The following SWAP70 variants were observed in gnomAD, a reference collection of about 807,000 sequenced individuals.
The protein encoded by SWAP70 is switching B cell complex subunit SWAP70, also known as switch-associated protein 70.
In SWAP70, 34 loss-of-function variants were observed where a neutral mutation model predicts 80.2. The ratio of observed to expected loss-of-function variants is 0.42; its 90% CI spans 0.32 to 0.56. The LOEUF (loss-of-function observed/expected upper bound fraction) is 0.56. Among genes scored for constraint, SWAP70 ranks in the 20% least tolerant of loss-of-function variants. The pLI, the probability that SWAP70 is intolerant of heterozygous loss-of-function variation, is 0.09. For synonymous variants in SWAP70, 239 were observed against 238.5 expected (o/e 1.00, Z -0.02); for missense variants, 578 against 690.7 (o/e 0.84, Z 1.83).
rs1695613 is a variant in SWAP70, at chr11:9,724,654, G to A, written c.415-4G>A. ...GAAATAATTATTTCACATTCTTTATGTAGATTGAATACCTGCTTAAGAAGC... is the reference window on the plus strand; with the variant it reads ...GAAATAATTATTTCACATTCTTTATATAGATTGAATACCTGCTTAAGAAGC... On this transcript the variant is annotated splice_region_variant and splice_polypyrimidine_tract_variant and intron_variant, in intron 3 of 11. Coordinates refer to ENST00000318950, the MANE Select transcript of SWAP70 (RefSeq NM_015055.4). The A allele has an allele frequency of 0.33, 529,912 of 1,597,340 alleles. 89,972 individuals carry two copies. Among genetic ancestry groups the A allele is most frequent in the Non-Finnish European group, 0.35 (404,860 of 1,169,368 alleles).
At chr11:9,706,481 A>T (rs1850917115) in intron 2 of SWAP70, among the ~76,000 whole-genome samples, 1 of 152,234 alleles carries the variant, frequency 6.6e-6, no homozygotes, top group Non-Finnish European at 1.5e-5. Context: ...AAAGCATAAT[A>T]AAATGAACAT....
intron 2 of SWAP70, among the ~76,000 whole-genome samples, chr11:9,699,127 T>A (rs924643260): frequency 6.6e-6 from 1 of 152,188 alleles, no homozygotes; most frequent in African/African-American, 2.4e-5. Flanking sequence ...TAAATAGAGA[T>A]ACAAAGTAGA....
chr11:9,681,131 T>G (rs1333858437), intron 1 of SWAP70: 4 of 152,460 alleles, frequency 2.6e-5, no homozygotes, highest in South Asian at 4.1e-4. Context: ...GTAGCTGTGC[T>G]TACCTGCTAG....
intron 4 of SWAP70, among the ~76,000 whole-genome samples, chr11:9,725,792 G>T (rs1009876541): frequency 1.3e-5 from 2 of 151,748 alleles, no homozygotes; most frequent in Non-Finnish European, 2.9e-5. Context: ...GGACGGTCTC[G>T]ATCTTTTGAC....
intron 1 of SWAP70, among the ~76,000 whole-genome samples, chr11:9,690,818 A>G (rs1187823350): frequency 6.6e-6 from 1 of 152,140 alleles, no homozygotes; most frequent in Non-Finnish European, 1.5e-5. Flanking sequence ...AGTTTTAAAG[A>G]TAGTACACAA....
chr11:9,699,158 G>C (rs1056908856), intron 2 of SWAP70, among the ~76,000 whole-genome samples: 3 of 152,178 alleles, frequency 2.0e-5, no homozygotes, highest in Admixed American at 6.5e-5. Flanking sequence ...CTTGGGGTGA[G>C]GGGGAGGTAG....
chr11:9,750,016 A>G lies in SWAP70; in HGVS notation c.*46A>G. On this transcript the variant is annotated 3_prime_UTR_variant, in exon 12 of 12. Coordinates refer to ENST00000318950, the MANE Select transcript of SWAP70 (RefSeq NM_015055.4). The stretch of plus-strand genomic sequence containing the variant: ...GTCAGTTATGTAGATACTGCATGGC[A>G]GGAGAGCTTTACGCTAAAGACAAAA... 1 of 1,333,222 alleles carries G rather than the reference A, an allele frequency of 7.5e-7. No individual in the cohort carries two copies. 82.6% of individuals were successfully genotyped at this position (1,333,222 alleles called of 1,614,324 possible).
intron 2 of SWAP70, among the ~76,000 whole-genome samples, chr11:9,696,187 G>A (rs2134450158): frequency 6.6e-6 from 1 of 152,260 alleles, no homozygotes; most frequent in African/African-American, 2.4e-5. Flanking sequence ...AAACCTGTGA[G>A]GTGCTTGGAA....
chr11:9,716,686 G>A (rs1210083756), intron 3 of SWAP70, among the ~76,000 whole-genome samples: 1 of 152,210 alleles, frequency 6.6e-6, no homozygotes, highest in Non-Finnish European at 1.5e-5. Flanking sequence ...GGGACATATT[G>A]CATGGTGGTG....
chr11:9,708,268 A>G (rs1252042164), intron 2 of SWAP70, among the ~76,000 whole-genome samples: 1 of 152,178 alleles, frequency 6.6e-6, no homozygotes, highest in African/African-American at 2.4e-5. Context: ...AACAGTGTGC[A>G]AGGGTTCGAA....
intron 7 of SWAP70, among the ~76,000 whole-genome samples, chr11:9,736,043 TTTC>T (rs1481791612): frequency 7.2e-5 from 11 of 152,162 alleles, no homozygotes; most frequent in African/African-American, 2.4e-4. Context: ...TGTGTTCATT[TTTC>T]TTCTTTTTTA....
At chr11:9,741,708 GTTAT>G (rs1851440476) in intron 9 of SWAP70, 1 of 152,112 alleles carries the variant, frequency 6.6e-6, no homozygotes, top group South Asian at 2.1e-4. Context: ...ACTAGTCTTA[GTTAT>G]TTAGTGTTTA....
rs190945780 is a variant in SWAP70, at chr11:9,704,067, T to C, written c.241-9399T>C. Among the ~76,000 whole-genome samples the C allele has an allele frequency of 2.7e-3, 406 of 152,310 alleles. 5 individuals carry two copies. The highest frequency in any genetic ancestry group is 3.9e-3 in the Non-Finnish European group (265 of 68,022). ...CATTTTAAAGTGTACAGTAAAATAGTTGTGAATGTATTTACTATGTTGTGT... is the reference window on the plus strand; with the variant it reads ...CATTTTAAAGTGTACAGTAAAATAGCTGTGAATGTATTTACTATGTTGTGT... On this transcript the variant is annotated intron_variant, in intron 2 of 11. Coordinates refer to ENST00000318950, the MANE Select transcript of SWAP70 (RefSeq NM_015055.4).
chr11:9,739,367 A>G (rs1351889217), intron 8 of SWAP70, among the ~76,000 whole-genome samples: 2 of 152,234 alleles, frequency 1.3e-5, no homozygotes, highest in African/African-American at 2.4e-5. Context: ...AGGAAGGCAA[A>G]TGTGATGTAG....
chr11:9,720,896 ATC>A (rs1851125780), intron 3 of SWAP70, among the ~76,000 whole-genome samples: 1 of 152,012 alleles, frequency 6.6e-6, no homozygotes, highest in Non-Finnish European at 1.5e-5. Flanking sequence ...GCTCACTGCA[ATC>A]TCTGCCTCCT....
chr11:9,725,198 G>A (rs1048594812), intron 4 of SWAP70: 2 of 227,430 alleles, frequency 8.8e-6, no homozygotes, highest in Admixed American at 1.1e-4. Context: ...GGCTGGTCTC[G>A]AATGCCTGAC....
chr11:9,683,377 C>T (rs956863106), intron 1 of SWAP70, among the ~76,000 whole-genome samples: 4 of 151,740 alleles, frequency 2.6e-5, no homozygotes, highest in African/African-American at 7.3e-5. Flanking sequence ...GATCGAGCTA[C>T]TGCACTCCAG....
chr11:9,726,035 T>C (rs2645007), intron 4 of SWAP70, among the ~76,000 whole-genome samples: 49,709 of 152,000 alleles, frequency 0.33, 8,355 homozygotes, highest in Non-Finnish European at 0.35. Flanking sequence ...AGGTGCTTGC[T>C]AAAATGTTTA....
chr11:9,732,312 G>C (rs1401905482), intron 6 of SWAP70, among the ~76,000 whole-genome samples: 1 of 152,058 alleles, frequency 6.6e-6, no homozygotes, highest in Non-Finnish European at 1.5e-5. Context: ...GGAAACTGAT[G>C]CTGCAAGAGG....
Sources: allele counts gnomAD v4.1 joint callset (sites outside exome capture counted in the v4.1 genomes callset), GRCh38; gene constraint gnomAD v4.1.1; transcripts MANE v1.5; gene names NCBI Gene and HGNC (gene_info 2026-07-23, HGNC 2026-07-21).